Variants in HMBOX1 observed in about 807,000 individuals in gnomAD.
HMBOX1 encodes homeobox-containing protein 1.
HMBOX1 carries 14 observed loss-of-function variants against 54.5 expected under a neutral mutation model. The ratio of observed to expected loss-of-function variants is 0.26; its 90% CI spans 0.17 to 0.40. The LOEUF is 0.40. Ranked by LOEUF, HMBOX1 falls within the 10% of genes least tolerant of loss-of-function variation. The probability of loss-of-function intolerance (pLI) is 1.00; values close to 1 mark genes in which losing one functional copy is unlikely to be tolerated. For synonymous variants in HMBOX1, 160 were observed against 181.0 expected (o/e 0.88, Z 0.93); for missense variants, 332 against 514.4 (o/e 0.65, Z 3.43).
At chr8:28,988,434 T>C (rs1830468288) in intron 4 of HMBOX1, among the ~76,000 whole-genome samples, 2 of 152,240 alleles carry the variant, frequency 1.3e-5, no homozygotes, top group South Asian at 4.1e-4. Flanking sequence ...TTCATTTCCT[T>C]TGGGTAAATA....
intron 4 of HMBOX1, among the ~76,000 whole-genome samples, chr8:28,990,058 CATTT>C (rs1406692878): frequency 1.3e-5 from 2 of 152,250 alleles, no homozygotes; most frequent in East Asian, 3.9e-4. Context: ...TTGCTTAACT[CATTT>C]ATTTGTTCTA....
intron 1 of HMBOX1, among the ~76,000 whole-genome samples, chr8:28,954,062 A>G (rs1012157494): frequency 4.6e-5 from 7 of 151,996 alleles, no homozygotes; most frequent in African/African-American, 1.7e-4. Flanking sequence ...TACCTCTATG[A>G]GCTGTGTTTA....
Position 28,963,884 on chromosome 8 carries a change from CA to C in HMBOX1, c.18del (p.Val7TrpfsTer18). ...ATGTAAAGTATGCTTAGTTCCTTTCCAGTGGTGTAAGTATCAAGTCCTTTTT... is the reference window on the plus strand; with the variant it reads ...ATGTAAAGTATGCTTAGTTCCTTTCCGTGGTGTAAGTATCAAGTCCTTTTT... MLSSF[P>X]VVLLETMSHY... On this transcript the variant is annotated frameshift_variant, in exon 2 of 10. Coordinates refer to ENST00000287701, the MANE Select transcript of HMBOX1 (RefSeq NM_001135726.3). LOFTEE classifies it high-confidence loss of function. 1 of 1,602,204 alleles carries C rather than the reference CA, an allele frequency of 6.2e-7. No individual in the cohort carries two copies. The highest frequency in any genetic ancestry group is 8.5e-7 in the Non-Finnish European group (1 of 1,172,928).
chr8:28,967,575 A>G (rs1015680660), intron 2 of HMBOX1, among the ~76,000 whole-genome samples: 1 of 152,210 alleles, frequency 6.6e-6, no homozygotes, highest in African/African-American at 2.4e-5. Flanking sequence ...GGAAAATACT[A>G]TGATTGGGGA....
intron 4 of HMBOX1, among the ~76,000 whole-genome samples, chr8:29,007,610 G>A (rs1015112167): frequency 2.0e-5 from 3 of 152,246 alleles, no homozygotes; most frequent in East Asian, 1.9e-4. Flanking sequence ...TTGAGCCCAG[G>A]AGTTCGAGAG....
At chr8:28,918,909 A>G (rs1344711142) in intron 1 of HMBOX1, among the ~76,000 whole-genome samples, 2 of 152,240 alleles carry the variant, frequency 1.3e-5, no homozygotes, top group African/African-American at 4.8e-5. Flanking sequence ...TGTTTTAAAA[A>G]CAGCAGGAAC....
chr8:28,934,158 G>A (rs1819976725), intron 1 of HMBOX1, among the ~76,000 whole-genome samples: 1 of 152,132 alleles, frequency 6.6e-6, no homozygotes, highest in South Asian at 2.1e-4. Context: ...ATCAAAAAAT[G>A]TAACAATGGT....
At chr8:28,964,147 T>C (rs1022362290) in intron 2 of HMBOX1, among the ~76,000 whole-genome samples, 10 of 152,318 alleles carry the variant, frequency 6.6e-5, no homozygotes, top group Admixed American at 3.9e-4. Flanking sequence ...ACATTAATTT[T>C]AAATTGAATA....
chr8:29,009,354 T>C, intron 5 of HMBOX1, 172 bp downstream of exon 5: 1 of 699,702 alleles, frequency 1.4e-6, no homozygotes, highest in Non-Finnish European at 1.8e-6. Context: ...CTGTAATAAA[T>C]TTTATTTTAT....
chr8:28,973,754 C>T lies in HMBOX1; in HGVS notation c.500+3235C>T, dbSNP rs577517139. Among the ~76,000 whole-genome samples the T allele has an allele frequency of 1.1e-3, 164 of 146,142 alleles. 1 individual carries two copies. Among genetic ancestry groups the T allele is most frequent in the African/African-American group, 4.0e-3 (159 of 39,562 alleles). On this transcript the variant is annotated intron_variant, in intron 3 of 9. Transcript: ENST00000287701. ...ATGTAGTTTTAAAAATCTTATAATT[C>T]GTTGACTTCACGAACTTCACTCCTA...
intron 3 of HMBOX1, among the ~76,000 whole-genome samples, chr8:28,978,278 C>T (rs937639386): frequency 2.0e-5 from 3 of 152,158 alleles, no homozygotes; most frequent in Non-Finnish European, 2.9e-5. Context: ...TAAATCACAA[C>T]TCATTGTTTT....
intron 1 of HMBOX1, among the ~76,000 whole-genome samples, chr8:28,947,855 A>G (rs1051992523): frequency 6.6e-6 from 1 of 152,104 alleles, no homozygotes; most frequent in African/African-American, 2.4e-5. Flanking sequence ...TTTGAAACTG[A>G]TAGGCTGTGA....
At chr8:28,903,676 A>G (rs929434261) in intron 1 of HMBOX1, among the ~76,000 whole-genome samples, 3 of 152,216 alleles carry the variant, frequency 2.0e-5, no homozygotes, top group Non-Finnish European at 4.4e-5. Context: ...CCTGTTGTGT[A>G]TGCAAAAGAC....
chr8:28,993,904 C>T (rs577053677), intron 4 of HMBOX1, among the ~76,000 whole-genome samples: 1 of 152,254 alleles, frequency 6.6e-6, no homozygotes, highest in African/African-American at 2.4e-5. Context: ...CATGGTGGCT[C>T]ACACCTGAAA....
chr8:28,894,961 C>T (rs1231101698), intron 1 of HMBOX1, among the ~76,000 whole-genome samples: 1 of 149,042 alleles, frequency 6.7e-6, no homozygotes, highest in Non-Finnish European at 1.5e-5. Context: ...AAAACAGTAA[C>T]AATAGTCTGA....
chr8:28,894,088 G>A (rs2131487104), intron 1 of HMBOX1, among the ~76,000 whole-genome samples: 1 of 152,284 alleles, frequency 6.6e-6, no homozygotes, highest in South Asian at 2.1e-4. Context: ...TTGTGAACCA[G>A]CTTTATTTAG....
intron 6 of HMBOX1, among the ~76,000 whole-genome samples, chr8:29,031,649 A>G (rs1487970): frequency 0.42 from 63,048 of 151,678 alleles, 14,082 homozygotes; most frequent in African/African-American, 0.58. Flanking sequence ...GAAATTGCTT[A>G]TTATAAATGA....
At position 29,029,106 on chromosome 8, in the gene HMBOX1, C is replaced by G. The variant is rs140486563; in HGVS notation, c.851+10193C>G. ...ATTTTCCGCCTATTAAAAAAACACT[C>G]TACTTCTTGAAGAGAATCCTGTTAC... On this transcript the variant is annotated intron_variant, in intron 6 of 9. Transcript: ENST00000287701. 2.0e-5 allele frequency among the ~76,000 whole-genome samples: 3 copies of G among 151,386 alleles called. No homozygotes were observed. In the East Asian group the frequency reaches 5.8e-4, roughly 29 times the overall value.
At position 29,009,190 on chromosome 8, in the gene HMBOX1, G is replaced by C; in HGVS notation, c.697+8G>C. 1 of 1,588,374 alleles carries C rather than the reference G, an allele frequency of 6.3e-7. No homozygotes were observed. Among genetic ancestry groups the C allele is most frequent in the South Asian group, 1.1e-5 (1 of 90,512 alleles). On this transcript the variant is annotated splice_region_variant and intron_variant, in intron 5 of 9. Transcript: ENST00000287701. ...TTGAGAAGACAAACCCTGGTAAATAGCATTTCCTTTTATTTATTGCATCTG... is the reference window on the plus strand; with the variant it reads ...TTGAGAAGACAAACCCTGGTAAATACCATTTCCTTTTATTTATTGCATCTG...
Sources: allele counts gnomAD v4.1 joint callset (sites outside exome capture counted in the v4.1 genomes callset), GRCh38; gene constraint gnomAD v4.1.1; transcripts MANE v1.5; gene names NCBI Gene and HGNC (gene_info 2026-07-23, HGNC 2026-07-21).